NFX1: variants seen among roughly 807,000 people sequenced by gnomAD.
NFX1 encodes nuclear transcription factor, X-box binding 1, also known as transcriptional repressor NF-X1.
In NFX1, 69 loss-of-function variants were observed where a neutral mutation model predicts 137.2. The observed-to-expected ratio is 0.50, with a 90% CI of 0.41 to 0.61. The LOEUF is 0.61. Ranked by LOEUF, NFX1 falls within the 20% of genes least tolerant of loss-of-function variation. The pLI is 0.00. For synonymous variants in NFX1, 495 were observed against 474.1 expected, an observed-to-expected ratio of 1.04 and a Z score of -0.57; for missense variants, 1,167 against 1,391.0, an observed-to-expected ratio of 0.84 and a Z score of 2.56.
chr9:33,368,455 G>A (rs1030803988), intron 23 of NFX1, among the ~76,000 whole-genome samples: 6 of 152,198 alleles, frequency 3.9e-5, no homozygotes, highest in African/African-American at 1.4e-4. Context: ...CAGGGAAGGA[G>A]CTCTGAGAGT....
intron 11 of NFX1, among the ~76,000 whole-genome samples, chr9:33,337,073 CATT>C (rs1823033430): frequency 6.6e-6 from 1 of 152,238 alleles, no homozygotes; most frequent in South Asian, 2.1e-4. Flanking sequence ...GACAGGGTCT[CATT>C]ATGTTGGCCA....
chr9:33,362,717 T>TTTG (rs1824037564), intron 19 of NFX1, among the ~76,000 whole-genome samples: 1 of 146,326 alleles, frequency 6.8e-6, no homozygotes, highest in South Asian at 2.2e-4. Flanking sequence ...TTTTTTTTTT[T>TTTG]TTTGAGAAGG....
chr9:33,313,780 C>T lies in NFX1; in HGVS notation c.1575C>T (p.Ile525=), dbSNP rs1451662716. 4 of 1,613,884 alleles carry T rather than the reference C, an allele frequency of 2.5e-6. No homozygotes were observed. The East Asian group carries it at 8.9e-5, about 36-fold the overall frequency. Reference sequence around the variant, plus strand: ...GGGGTCAGTGCCAGCCTTGCCAGATCATTTTGAACCAGGGTAAGTGGTGGG... The same window carrying T: ...GGGGTCAGTGCCAGCCTTGCCAGATTATTTTGAACCAGGGTAAGTGGTGGG... ...CHGGQCQPCQ[I]ILNQVCYCGS... is the part of the protein sequence containing the mutation. Residue 525 remains isoleucine, a synonymous_variant, in exon 7 of 24, where the codon ATC becomes ATT. Transcript: ENST00000379540.
At chr9:33,359,259 A>G (rs1333973424) in intron 19 of NFX1, among the ~76,000 whole-genome samples, 1 of 144,832 alleles carries the variant, frequency 6.9e-6, no homozygotes, top group Non-Finnish European at 1.5e-5. Flanking sequence ...ACCTCATTGT[A>G]TTGGTTAGGG....
chr9:33,342,593 C>T (rs142255938), intron 12 of NFX1, among the ~76,000 whole-genome samples, 153 bp from the exon 13 acceptor site: 3 of 152,328 alleles, frequency 2.0e-5, no homozygotes, highest in African/African-American at 7.2e-5. Context: ...TTCATCCCCA[C>T]CTACTCTCCC....
At chr9:33,298,622 A>G (rs551623601) in intron 2 of NFX1, among the ~76,000 whole-genome samples, 1 of 152,260 alleles carries the variant, frequency 6.6e-6, no homozygotes, top group African/African-American at 2.4e-5. Context: ...TGCAAAAGGC[A>G]AAAAAATAAA....
chr9:33,321,947 C>A (rs1822400900), intron 9 of NFX1, among the ~76,000 whole-genome samples: 1 of 151,292 alleles, frequency 6.6e-6, no homozygotes, highest in Non-Finnish European at 1.5e-5. Context: ...CATCTGTAAT[C>A]CCCCACACTT....
At chr9:33,362,846 G>A (rs1216824018) in intron 19 of NFX1, among the ~76,000 whole-genome samples, 1 of 151,840 alleles carries the variant, frequency 6.6e-6, no homozygotes, top group Non-Finnish European at 1.5e-5. Context: ...TGGGATTACA[G>A]GCATGCACAA....
At chr9:33,313,519 G>A (rs1339505099) in intron 6 of NFX1, 135 bp from the exon 7 acceptor site, 29 of 744,256 alleles carry the variant, frequency 3.9e-5, no homozygotes, top group Non-Finnish European at 6.0e-5. Flanking sequence ...GGGAGACATA[G>A]GAAAAAGTGA....
rs1314447995 is a variant in NFX1 at position 33,351,699 on chromosome 9, C to T, written c.2564C>T (p.Pro855Leu). 2 of 1,614,044 alleles carry T rather than the reference C, an allele frequency of 1.2e-6. No homozygotes were observed. Among genetic ancestry groups the T allele is most frequent in the South Asian group, 1.1e-5 (1 of 91,074 alleles). Residue 855 changes from proline to leucine, a missense_variant, in exon 16 of 24, where the codon CCC becomes CTC. Transcript: ENST00000379540. ...ECLVDEPCKQPCTTPRADCGH... is the reference protein window; with the variant it reads ...ECLVDEPCKQLCTTPRADCGH... Reference sequence around the variant, plus strand: ...CTTGTGGATGAGCCCTGCAAGCAGCCCTGCACCACCCCCAGAGCTGACTGT... The same window carrying T: ...CTTGTGGATGAGCCCTGCAAGCAGCTCTGCACCACCCCCAGAGCTGACTGT...
At chr9:33,327,937 A>G (rs1280910669) in intron 9 of NFX1, among the ~76,000 whole-genome samples, 1 of 152,182 alleles carries the variant, frequency 6.6e-6, no homozygotes, top group Non-Finnish European at 1.5e-5. Context: ...AAAGTCATCC[A>G]TGGCTACAGT....
intron 5 of NFX1, among the ~76,000 whole-genome samples, chr9:33,309,867 G>A (rs1821901772): frequency 6.6e-6 from 1 of 152,202 alleles, no homozygotes; most frequent in Admixed American, 6.5e-5. Context: ...TGGTCTAAAA[G>A]TTAAGAAAAC....
intron 7 of NFX1, among the ~76,000 whole-genome samples, chr9:33,317,875 C>T (rs1029340677): frequency 7.1e-6 from 1 of 140,934 alleles, no homozygotes; most frequent in East Asian, 2.3e-4. Context: ...ACTTGGGAGG[C>T]TGAGGCAAGA....
At chr9:33,354,001 T>C (rs1172789872) in intron 17 of NFX1, 85 bp from the exon 18 acceptor site, 5 of 1,305,844 alleles carry the variant, frequency 3.8e-6, no homozygotes, top group Non-Finnish European at 5.2e-6. Context: ...AGATTTGCTT[T>C]TAAAGAGGTC....
chr9:33,306,199 A>T (rs2118266357), intron 4 of NFX1, among the ~76,000 whole-genome samples: 1 of 152,280 alleles, frequency 6.6e-6, no homozygotes, highest in East Asian at 1.9e-4. Flanking sequence ...AAATTGACAC[A>T]ACTTGGTGAT....
intron 7 of NFX1, among the ~76,000 whole-genome samples, chr9:33,316,065 C>T (rs964112196): frequency 6.6e-6 from 1 of 152,170 alleles, no homozygotes; most frequent in Non-Finnish European, 1.5e-5. Context: ...AATTTCTGGT[C>T]TGTTCTCTGT....
At chr9:33,341,076 C>T (rs1052440312) in intron 12 of NFX1, among the ~76,000 whole-genome samples, 12 of 152,280 alleles carry the variant, frequency 7.9e-5, no homozygotes, top group Non-Finnish European at 1.5e-4. Context: ...TTCAGCAGTG[C>T]CCCACTCTGC....
rs918735124 is a variant in NFX1 at position 33,340,227 on chromosome 9, G to A, written c.2115+1638G>A. 4.1e-4 allele frequency among the ~76,000 whole-genome samples: 63 copies of A among 152,218 alleles called. 1 individual carries two copies. The highest frequency in any genetic ancestry group is 3.0e-3 in the Admixed American group (46 of 15,276). On this transcript the variant is annotated intron_variant, in intron 12 of 23. Coordinates refer to ENST00000379540, the MANE Select transcript of NFX1 (RefSeq NM_002504.6). ...ATCCAGGCATTTCCATACATCTTTT[G>A]AAACCTAGGCAGACGTTTCCAACCT...
At position 33,366,644 on chromosome 9, in the gene NFX1, A is replaced by C. The variant is rs745401977; in HGVS notation, c.3055A>C (p.Lys1019Gln). Residue 1019 changes from lysine to glutamine, a missense_variant, in exon 22 of 24, where the codon AAA becomes CAA. Coordinates refer to ENST00000379540, the MANE Select transcript of NFX1 (RefSeq NM_002504.6). ...CTCAATACAGGGAAAGAATAGTAAG[A>C]AAAGCCACAGCTTCCCTCCCATGAA... Reference protein sequence around the residue: ...EAVNKGKNSKKSHSFPPMNRD... With the variant: ...EAVNKGKNSKQSHSFPPMNRD... 1.6e-5 allele frequency: 26 copies of C among 1,614,016 alleles called. No individual in the cohort carries two copies. The East Asian group carries it at 5.6e-4, about 35-fold the overall frequency.
Sources: allele counts gnomAD v4.1 joint callset (sites outside exome capture counted in the v4.1 genomes callset), GRCh38; gene constraint gnomAD v4.1.1; transcripts MANE v1.5; gene names NCBI Gene and HGNC (gene_info 2026-07-23, HGNC 2026-07-21).